Variants in KIRREL3 observed in about 807,000 individuals in gnomAD.
KIRREL3 encodes kin of IRRE-like protein 3.
A neutral mutation model predicts 89.7 loss-of-function variants in KIRREL3; 36 were observed. The ratio of observed to expected loss-of-function variants is 0.40; its 90% confidence interval spans 0.31 to 0.53. The LOEUF is 0.53. Ranked by LOEUF, KIRREL3 falls within the 20% of genes least tolerant of loss-of-function variation. KIRREL3 has a pLI of 0.49. For synonymous variants in KIRREL3, 445 were observed against 441.4 expected (o/e 1.01, Z -0.10); for missense variants, 864 against 1,056.6 (o/e 0.82, Z 2.53).
chr11:126,637,407 T>C (rs1323655118), intron 1 of KIRREL3, among the ~76,000 whole-genome samples: 1 of 152,226 alleles, frequency 6.6e-6, no homozygotes, highest in African/African-American at 2.4e-5. Context: ...ATGTTCCCAC[T>C]GCAGACGTTG....
intron 3 of KIRREL3, among the ~76,000 whole-genome samples, chr11:126,524,134 C>T (rs761930690): frequency 2.6e-4 from 39 of 152,218 alleles, no homozygotes; most frequent in Non-Finnish European, 4.0e-4. Context: ...CCTAGCTCTG[C>T]TGTCTTGGGT....
In KIRREL3 at chr11:126,519,218, A is replaced by C. The variant is rs762385166; in HGVS notation, c.433+2097T>G. 1.3e-5 allele frequency among the ~76,000 whole-genome samples: 2 copies of C among 152,120 alleles called. No individual in the cohort carries two copies. Among genetic ancestry groups the C allele is most frequent in the Non-Finnish European group, 2.9e-5 (2 of 68,026 alleles). Reference sequence around the variant, plus strand: ...CCTTTTAGACATGACCTAAGACAAAATCGGGTCTGTTCAGGTTGGATCCTG... The same window carrying C: ...CCTTTTAGACATGACCTAAGACAAACTCGGGTCTGTTCAGGTTGGATCCTG... On this transcript the variant is annotated intron_variant, in intron 4 of 16. Coordinates refer to ENST00000525144, the MANE Select transcript of KIRREL3 (RefSeq NM_032531.4). This position sits in a 1 kb window ranked among gnomAD's most constrained non-coding sequence, Gnocchi z 4.3.
In KIRREL3 at chr11:126,430,377, G is replaced by A. The variant is rs955592386; in HGVS notation, c.1696+1042C>T. On this transcript the variant is annotated intron_variant, in intron 14 of 16. Coordinates refer to ENST00000525144, the MANE Select transcript of KIRREL3 (RefSeq NM_032531.4). This position sits in a 1 kb window ranked among gnomAD's most constrained non-coding sequence, Gnocchi z 6.6. ...CGAGAATCGCTTGAACCTGGGAGGC[G>A]GAGGTTGCAGTGAGCTGAGATCGTG... Among the ~76,000 whole-genome samples, 11 of 152,114 alleles carry A rather than the reference G, an allele frequency of 7.2e-5. No individual in the cohort carries two copies. Among genetic ancestry groups the A allele is most frequent in the Non-Finnish European group, 1.2e-4 (8 of 68,022 alleles).
At chr11:126,806,322 T>A (rs886805466) in intron 1 of KIRREL3, among the ~76,000 whole-genome samples, 16 of 152,218 alleles carry the variant, frequency 1.1e-4, no homozygotes, top group Non-Finnish European at 2.4e-4. Context: ...ATCCTTTGCC[T>A]CTCATTGTCC....
rs564664092 is a variant in KIRREL3, at chr11:126,474,966, C to T, written c.434-1500G>A. The stretch of plus-strand genomic sequence containing the variant: ...GCCACAGAAGGGACAGGAGGTGAGG[C>T]GACTGTCCTCTGAGGAATCCCTGTT... On this transcript the variant is annotated intron_variant, in intron 4 of 16. Transcript: ENST00000525144. This position sits in a 1 kb window ranked among gnomAD's most constrained non-coding sequence, Gnocchi z 6.7. Among the ~76,000 whole-genome samples the T allele has an allele frequency of 1.6e-4, 25 of 152,132 alleles. No individual in the cohort carries two copies. The highest frequency in any genetic ancestry group is 5.6e-4 in the African/African-American group (23 of 41,430).
chr11:126,981,482 C>T lies in KIRREL3; in HGVS notation c.55+18973G>A, dbSNP rs1380689262. 1.3e-5 allele frequency among the ~76,000 whole-genome samples: 2 copies of T among 152,208 alleles called. No individual in the cohort carries two copies. The highest frequency in any genetic ancestry group is 4.8e-5 in the African/African-American group (2 of 41,446). On this transcript the variant is annotated intron_variant, in intron 1 of 16. Coordinates refer to ENST00000525144, the MANE Select transcript of KIRREL3 (RefSeq NM_032531.4). The surrounding 1 kb of genome is among the most constrained non-coding windows in gnomAD (Gnocchi z 4.2). ...ATTCCAGGCAGAAGACAGTCCAGTACCTTCCTAAGTCACTAAGGAAGAGCT... is the reference window on the plus strand; with the variant it reads ...ATTCCAGGCAGAAGACAGTCCAGTATCTTCCTAAGTCACTAAGGAAGAGCT...
intron 1 of KIRREL3, among the ~76,000 whole-genome samples, chr11:126,670,424 T>A (rs750329801): frequency 2.6e-5 from 4 of 152,154 alleles, no homozygotes; most frequent in Non-Finnish European, 5.9e-5. Context: ...ACCACCCCTA[T>A]TGACCACTGT....
intron 1 of KIRREL3, among the ~76,000 whole-genome samples, chr11:126,869,154 C>CTTT (rs36033176): frequency 2.5e-5 from 3 of 121,286 alleles, no homozygotes; most frequent in African/African-American, 3.1e-5. Context: ...TGCCTGAGGG[C>CTTT]TTTTTTTTTT....
intron 1 of KIRREL3, among the ~76,000 whole-genome samples, chr11:126,728,649 T>C (rs1295610945): frequency 6.6e-6 from 1 of 152,100 alleles, no homozygotes; most frequent in Non-Finnish European, 1.5e-5. Context: ...TGGACCACCT[T>C]GACTCTTTGT....
intron 1 of KIRREL3, among the ~76,000 whole-genome samples, chr11:126,823,457 G>A (rs1820241559): frequency 6.6e-6 from 1 of 152,128 alleles, no homozygotes; most frequent in South Asian, 2.1e-4. Context: ...AGACATCTGT[G>A]TCCTGGGAGA....
rs11220592 is a variant in KIRREL3 at position 126,723,680 on chromosome 11, G to C, written c.56-160768C>G. Among the ~76,000 whole-genome samples, 1 of 151,976 alleles carries C rather than the reference G, an allele frequency of 6.6e-6. No homozygotes were observed. Among genetic ancestry groups the C allele is most frequent in the Non-Finnish European group, 1.5e-5 (1 of 68,014 alleles). The stretch of plus-strand genomic sequence containing the variant: ...ACTGTGTCATTCTTTTATATTCCTA[G>C]TACCTAGACCATGATGACATAATAA... On this transcript the variant is annotated intron_variant, in intron 1 of 16. Transcript: ENST00000525144. The surrounding 1 kb of genome is among the most constrained non-coding windows in gnomAD (Gnocchi z 4.0).
At chr11:126,469,800 C>G (rs936303450) in intron 5 of KIRREL3, among the ~76,000 whole-genome samples, 3 of 152,236 alleles carry the variant, frequency 2.0e-5, no homozygotes, top group African/African-American at 4.8e-5. Context: ...TTGAGGGTCT[C>G]AGGCCTCTGC....
chr11:126,712,665 GAGGGAAAGTGGGT>G (rs143356002), intron 1 of KIRREL3, among the ~76,000 whole-genome samples: 4,085 of 152,266 alleles, frequency 0.027, 180 homozygotes, highest in African/African-American at 0.092. Flanking sequence ...GTCTCAAGAG[GAGGGAAAGTGGGT>G]AGGGTCTTTA....
At chr11:126,819,849 G>C (rs1270265404) in intron 1 of KIRREL3, among the ~76,000 whole-genome samples, 1 of 152,228 alleles carries the variant, frequency 6.6e-6, no homozygotes, top group Non-Finnish European at 1.5e-5. Context: ...TATCCAGGGA[G>C]AGTGTTTAAG....
Position 126,840,965 on chromosome 11 carries a change from C to A in KIRREL3, c.55+159490G>T, listed in dbSNP as rs566173816. Among the ~76,000 whole-genome samples the A allele has an allele frequency of 2.0e-5, 3 of 152,342 alleles. No homozygotes were observed. In the East Asian group the frequency reaches 5.8e-4, roughly 29 times the overall value. On this transcript the variant is annotated intron_variant, in intron 1 of 16. Transcript: ENST00000525144. ...AGGAAAAAATTATACACTCAGGTTG[C>A]TAACATCTATAGTAAGAATGAATCT...
At chr11:126,725,182 C>A (rs1039354935) in intron 1 of KIRREL3, among the ~76,000 whole-genome samples, 2 of 152,204 alleles carry the variant, frequency 1.3e-5, no homozygotes, top group Non-Finnish European at 2.9e-5. Flanking sequence ...CAGAAAGTCA[C>A]GTGACCCAGT....
chr11:126,686,253 T>C lies in KIRREL3; in HGVS notation c.56-123341A>G, dbSNP rs1189894645. 6.6e-6 allele frequency among the ~76,000 whole-genome samples: 1 copy of C among 152,246 alleles called. No homozygotes were observed. The highest frequency in any genetic ancestry group is 1.5e-5 in the Non-Finnish European group (1 of 68,040). ...TGTGGAGGCAGGTCTCCATGGATTG[T>C]ACGGCTTTCCCAAGGCCTGCTCCAG... is the stretch of plus-strand genomic sequence containing the variant. On this transcript the variant is annotated intron_variant, in intron 1 of 16. Coordinates refer to ENST00000525144, the MANE Select transcript of KIRREL3 (RefSeq NM_032531.4). This position sits in a 1 kb window ranked among gnomAD's most constrained non-coding sequence, Gnocchi z 4.7.
In KIRREL3 at chr11:126,429,935, C is replaced by T. The variant is rs1565442567; in HGVS notation, c.1697-647G>A. ...GCAGATCACGAGGTCAGGAGTTTGA[C>T]ACCAGCCTGGCCAACATGGTGAAAC... is the stretch of plus-strand genomic sequence containing the variant. On this transcript the variant is annotated intron_variant, in intron 14 of 16. Coordinates refer to ENST00000525144, the MANE Select transcript of KIRREL3 (RefSeq NM_032531.4). The surrounding 1 kb of genome is among the most constrained non-coding windows in gnomAD (Gnocchi z 5.2). Among the ~76,000 whole-genome samples the T allele has an allele frequency of 6.7e-6, 1 of 149,726 alleles. No individual in the cohort carries two copies.
rs1485358294 is a variant in KIRREL3, at chr11:126,610,484, T to C, written c.56-47572A>G. Among the ~76,000 whole-genome samples the C allele has an allele frequency of 6.6e-6, 1 of 152,190 alleles. No individual in the cohort carries two copies. Among genetic ancestry groups the C allele is most frequent in the African/African-American group, 2.4e-5 (1 of 41,446 alleles). ...GACAGAAGGGACATACTTAGGATGA[T>C]AGACTAACCTGGCCCAGCCTGCAAC... On this transcript the variant is annotated intron_variant, in intron 1 of 16. Transcript: ENST00000525144. This position sits in a 1 kb window ranked among gnomAD's most constrained non-coding sequence, Gnocchi z 4.6.
Sources: gnomAD v4.1 joint callset for allele counts (sites outside exome capture counted in the v4.1 genomes callset) on GRCh38, gnomAD v4.1.1 for gene constraint, Gnocchi (gnomAD v3.1) non-coding constraint, MANE v1.5 for transcripts, NCBI Gene and HGNC (gene_info 2026-07-23, HGNC 2026-07-21) for gene names.